The following SOX5 variants were observed in gnomAD, a reference collection of about 807,000 sequenced individuals.
The protein encoded by SOX5 is SRY-box transcription factor 5, also known as transcription factor SOX-5.
In SOX5, 9 loss-of-function variants were observed where a neutral mutation model predicts 92.0. That is an observed-to-expected ratio of 0.10 (90% CI 0.06 to 0.17). SOX5 has a LOEUF of 0.17. SOX5 is among the 10% of genes least tolerant of loss of function. The pLI is 1.00. For synonymous variants in SOX5, 344 were observed against 336.3 expected (o/e 1.02, Z -0.25); for missense variants, 642 against 944.5 (o/e 0.68, Z 4.20).
intron 1 of SOX5, among the ~76,000 whole-genome samples, chr12:24,411,786 G>A (rs1383746937): frequency 6.6e-6 from 1 of 151,826 alleles, no homozygotes; most frequent in Non-Finnish European, 1.5e-5. Flanking sequence ...TTTGTACTTC[G>A]TTTTAGTATC....
intron 2 of SOX5, among the ~76,000 whole-genome samples, chr12:24,367,632 T>C (rs1036003420): frequency 2.6e-5 from 4 of 152,178 alleles, no homozygotes; most frequent in African/African-American, 9.6e-5. Flanking sequence ...TGTAATTAAA[T>C]GTTTTTAAAA....
intron 2 of SOX5, among the ~76,000 whole-genome samples, chr12:24,348,769 G>A (rs1350825992): frequency 6.6e-6 from 1 of 152,108 alleles, no homozygotes; most frequent in Non-Finnish European, 1.5e-5. Flanking sequence ...CATGTGTCAT[G>A]GGAGGGACCC....
At chr12:24,349,118 C>A (rs914315785) in intron 2 of SOX5, among the ~76,000 whole-genome samples, 2 of 152,196 alleles carry the variant, frequency 1.3e-5, no homozygotes, top group African/African-American at 2.4e-5. Context: ...ATTTGTGGAT[C>A]CCTCTGTCTG....
chr12:23,949,794 T>C (rs1256854949), upstream of SOX5: 166 of 453,238 alleles, frequency 3.7e-4, no homozygotes, highest in Non-Finnish European at 4.7e-4. Flanking sequence ...CTCTCTCTCT[T>C]TCTCCCCCCC....
chr12:24,414,310 C>CT (rs1227310885), intron 1 of SOX5, among the ~76,000 whole-genome samples: 2 of 152,048 alleles, frequency 1.3e-5, no homozygotes, highest in African/African-American at 4.8e-5. Context: ...TCTAAATTGC[C>CT]TCTACTTAGA....
Position 24,003,325 on chromosome 12 carries a change from A to C in SOX5, c.-1-107301T>G, listed in dbSNP as rs563730045. On this transcript the variant is annotated intron_variant, in intron 4 of 4. Coordinates refer to the SOX5 transcript ENST00000446891. ...TAGCCAGTATAATGAGTTAAGAAAA[A>C]TAAATAAAAGTCATCCATCTTACTG... Among the ~76,000 whole-genome samples the C allele has an allele frequency of 1.3e-4, 19 of 151,898 alleles. No homozygotes were observed. The South Asian group carries it at 3.9e-3, about 31-fold the overall frequency.
At chr12:24,166,972 G>A (rs929158720) in intron 4 of SOX5, among the ~76,000 whole-genome samples, 4 of 152,184 alleles carry the variant, frequency 2.6e-5, no homozygotes, top group Non-Finnish European at 4.4e-5. Context: ...GTGAGATGGA[G>A]GGTTAGTGAG....
intron 4 of SOX5, among the ~76,000 whole-genome samples, chr12:23,981,968 T>C (rs1949612908): frequency 6.6e-6 from 1 of 152,142 alleles, no homozygotes; most frequent in Non-Finnish European, 1.5e-5. Flanking sequence ...TATTTAATAA[T>C]TTAAAGGCTT....
chr12:24,522,912 A>G (rs1353569014), intron 1 of SOX5, among the ~76,000 whole-genome samples: 1 of 152,302 alleles, frequency 6.6e-6, no homozygotes, highest in South Asian at 2.1e-4. Flanking sequence ...AGCCTTAGCC[A>G]GAGCAGTTAG....
At chr12:24,553,478 T>A (rs570016968) in intron 1 of SOX5, among the ~76,000 whole-genome samples, 204 of 152,318 alleles carry the variant, frequency 1.3e-3, no homozygotes, top group African/African-American at 4.4e-3. Flanking sequence ...ATGAAACTCA[T>A]CTTGCAAACT....
chr12:23,775,760 A>C (rs551944025), intron 3 of SOX5, among the ~76,000 whole-genome samples: 230 of 152,258 alleles, frequency 1.5e-3, no homozygotes, highest in African/African-American at 5.4e-3. Flanking sequence ...TGTTTCCACT[A>C]TCTATTTGCA....
At chr12:23,994,046 C>G (rs1175925409) in intron 4 of SOX5, among the ~76,000 whole-genome samples, 1 of 151,772 alleles carries the variant, frequency 6.6e-6, no homozygotes. Context: ...CTCAGGAGGT[C>G]GAGGCTGCAA....
At chr12:24,191,475 C>T (rs948099228) in intron 4 of SOX5, among the ~76,000 whole-genome samples, 23 of 152,168 alleles carry the variant, frequency 1.5e-4, no homozygotes, top group African/African-American at 4.1e-4. Context: ...CATCAGCTGA[C>T]GGAGCTTCCA....
chr12:24,551,450 T>C (rs1449825503), intron 1 of SOX5, among the ~76,000 whole-genome samples: 1 of 152,262 alleles, frequency 6.6e-6, no homozygotes, highest in Non-Finnish European at 1.5e-5. Flanking sequence ...TTGGCTAGCA[T>C]CTGTAAAGAT....
intron 4 of SOX5, among the ~76,000 whole-genome samples, chr12:24,112,774 A>C (rs532548450): frequency 1.7e-4 from 26 of 151,672 alleles, no homozygotes; most frequent in African/African-American, 5.8e-4. Context: ...GGGCTCAAGC[A>C]ATCTGCCTAC....
chr12:24,018,754 AC>A (rs1437768910), intron 4 of SOX5, among the ~76,000 whole-genome samples: 1 of 152,040 alleles, frequency 6.6e-6, no homozygotes, highest in Non-Finnish European at 1.5e-5. Context: ...CTGAGATCAC[AC>A]CCATTGCACT....
At chr12:23,896,337 T>C (rs1595460988) in intron 1 of SOX5, among the ~76,000 whole-genome samples, 3 of 152,192 alleles carry the variant, frequency 2.0e-5, no homozygotes, top group East Asian at 3.9e-4. Flanking sequence ...GGAAGAAAAA[T>C]ACCCATCTAG....
chr12:23,593,521 T>C (rs769198595), intron 9 of SOX5, among the ~76,000 whole-genome samples: 8 of 152,168 alleles, frequency 5.3e-5, no homozygotes, highest in Non-Finnish European at 8.8e-5. Flanking sequence ...ATATTGTATG[T>C]ACATTAGTGA....
chr12:23,816,649 A>G (rs1037600590), intron 3 of SOX5, among the ~76,000 whole-genome samples: 1 of 152,164 alleles, frequency 6.6e-6, no homozygotes, highest in Non-Finnish European at 1.5e-5. Flanking sequence ...ATCTTAAGCA[A>G]ATAAAAGCAA....
Sources: gnomAD v4.1 joint callset for allele counts (sites outside exome capture counted in the v4.1 genomes callset) on GRCh38, gnomAD v4.1.1 for gene constraint, MANE v1.5 for transcripts, NCBI Gene and HGNC (gene_info 2026-07-23, HGNC 2026-07-21) for gene names.